Variants in TMEM116 observed in about 807,000 individuals in gnomAD.
The protein encoded by TMEM116 is transmembrane protein 116.
A neutral mutation model predicts 44.3 loss-of-function variants in TMEM116; 38 were observed. That is an observed-to-expected ratio of 0.86 (90% confidence interval 0.66 to 1.12). The LOEUF (loss-of-function observed/expected upper bound fraction) is 1.12. Among genes scored for constraint, TMEM116 ranks in the 50% most tolerant of loss-of-function variants. TMEM116 has a pLI of 0.00. For missense variants in TMEM116, 354 were observed against 401.7 expected (o/e 0.88, Z 1.01); for synonymous variants, 132 against 144.8 (o/e 0.91, Z 0.64).
chr12:111,955,706 G>A (rs545137256), intron 4 of TMEM116, among the ~76,000 whole-genome samples: 141 of 152,212 alleles, frequency 9.3e-4, no homozygotes, highest in African/African-American at 3.3e-3. Flanking sequence ...ACAACATTTC[G>A]GTCAACAGCA....
chr12:111,951,957 C>T (rs918704132), intron 4 of TMEM116, among the ~76,000 whole-genome samples: 20 of 151,796 alleles, frequency 1.3e-4, no homozygotes, highest in African/African-American at 4.8e-4. Flanking sequence ...TGGCCGGGTG[C>T]GGTGGCTCAT....
At chr12:111,937,320 T>C (rs2072246884) in intron 6 of TMEM116, 77 bp from the exon 7 acceptor site, 1 of 1,124,714 alleles carries the variant, frequency 8.9e-7, no homozygotes, top group Admixed American at 1.9e-5. Context: ...ATTCTCCTGC[T>C]CTTCCCTCAA....
At chr12:111,949,322 A>G (rs1170461335) in intron 4 of TMEM116, among the ~76,000 whole-genome samples, 2 of 152,206 alleles carry the variant, frequency 1.3e-5, no homozygotes, top group Non-Finnish European at 2.9e-5. Flanking sequence ...TGATTCCACA[A>G]GTTCAATAAA....
rs2077418398 is a variant in TMEM116, at chr12:112,003,826, A to G, written c.52T>C (p.Phe18Leu). ...GSSSLIAYAV[F>L]HNIQKSPEIR... The stretch of plus-strand genomic sequence containing the variant: ...TCTGGAGATTTCTGTATATTATGGA[A>G]TACAGCATAGGCAATAAGTGAACTT... Residue 18 changes from phenylalanine (F) to leucine (L), a missense_variant, in exon 3 of 11, where the codon TTC (phenylalanine) becomes CTC (leucine). Phe to Leu is a conservative substitution (Grantham distance 22, BLOSUM62 0). Coordinates refer to ENST00000552374, the MANE Select transcript of TMEM116 (RefSeq NM_001193531.2). The G allele has an allele frequency of 3.3e-6, 5 of 1,514,454 alleles. No individual in the cohort carries two copies. Among genetic ancestry groups the G allele is most frequent in the Middle Eastern group, 1.7e-4 (1 of 5,946 alleles). The allele number at this position is 1,514,454 out of a possible 1,614,324, so 93.8% of individuals were successfully genotyped here.
chr12:111,958,277 TAAAAAA>T (rs61637468), intron 4 of TMEM116, among the ~76,000 whole-genome samples: 3 of 27,494 alleles, frequency 1.1e-4, no homozygotes, highest in African/African-American at 2.7e-4. Flanking sequence ...CAATAAATAC[TAAAAAA>T]AAAAAAAAAA....
intron 4 of TMEM116, among the ~76,000 whole-genome samples, chr12:111,947,382 T>C (rs2073371449): frequency 6.6e-6 from 1 of 152,158 alleles, no homozygotes; most frequent in Non-Finnish European, 1.5e-5. Flanking sequence ...TCAGAACTTC[T>C]CAAAAGTTTA....
chr12:111,960,238 C>T (rs2074475237), intron 4 of TMEM116, among the ~76,000 whole-genome samples: 1 of 151,948 alleles, frequency 6.6e-6, no homozygotes, highest in South Asian at 2.1e-4. Flanking sequence ...GCCTGTAATC[C>T]CAACACTTTG....
At chr12:111,968,629 C>A (rs1401290834) in intron 4 of TMEM116, among the ~76,000 whole-genome samples, 3 of 152,100 alleles carry the variant, frequency 2.0e-5, no homozygotes, top group African/African-American at 7.2e-5. Context: ...AAGTAAAGGA[C>A]AATAAAATAG....
intron 4 of TMEM116, among the ~76,000 whole-genome samples, chr12:111,972,945 C>T (rs1403894697): frequency 2.0e-5 from 3 of 151,938 alleles, no homozygotes; most frequent in Non-Finnish European, 4.4e-5. Flanking sequence ...CGAGTTCATC[C>T]TGGCCAACAT....
intron 4 of TMEM116, among the ~76,000 whole-genome samples, chr12:111,945,538 A>G (rs1242048740): frequency 6.6e-6 from 1 of 152,068 alleles, no homozygotes; most frequent in East Asian, 1.9e-4. Context: ...GATATTGTTA[A>G]AAACCTCAAG....
At chr12:111,982,131 T>C (rs994564461) in intron 4 of TMEM116, among the ~76,000 whole-genome samples, 3 of 152,152 alleles carry the variant, frequency 2.0e-5, no homozygotes, top group African/African-American at 4.8e-5. Flanking sequence ...ACATGGTGAC[T>C]ACAGTTAATA....
At chr12:111,938,897 C>CCT in intron 5 of TMEM116, among the ~76,000 whole-genome samples, 1 of 132,118 alleles carries the variant, frequency 7.6e-6, no homozygotes, top group African/African-American at 3.0e-5. Flanking sequence ...AGATAGAAAA[C>CCT]ATATATTTGG....
intron 10 of TMEM116, among the ~76,000 whole-genome samples, 171 bp downstream of exon 10, chr12:111,932,415 G>A (rs967439679): frequency 2.0e-5 from 3 of 152,108 alleles, no homozygotes; most frequent in Admixed American, 2.0e-4. Context: ...TATCTACCTC[G>A]ACTTTGAGAA....
At position 111,960,378 on chromosome 12, in the gene TMEM116, G is replaced by C. The variant is rs1388068122; in HGVS notation, c.211-17009C>G. Among the ~76,000 whole-genome samples the C allele has an allele frequency of 4.0e-5, 6 of 150,574 alleles. No homozygotes were observed. The East Asian group carries it at 1.2e-3, about 30-fold the overall frequency. ...GTGGTGGCGGGCCCCTGTAGTACCAGCTACTTGGAAGGCTGAGGCAGGAGA... is the reference window on the plus strand; with the variant it reads ...GTGGTGGCGGGCCCCTGTAGTACCACCTACTTGGAAGGCTGAGGCAGGAGA... On this transcript the variant is annotated intron_variant, in intron 4 of 10. Transcript: ENST00000552374.
intron 4 of TMEM116, among the ~76,000 whole-genome samples, chr12:111,989,952 G>T (rs547155268): frequency 6.6e-6 from 1 of 152,128 alleles, no homozygotes; most frequent in Admixed American, 6.6e-5. Flanking sequence ...GCTCAATAAA[G>T]TTGTAAAAAA....
At chr12:111,934,341 A>C (rs1355553733) in intron 8 of TMEM116, 1 of 264,642 alleles carries the variant, frequency 3.8e-6, no homozygotes, top group Non-Finnish European at 7.2e-6. Flanking sequence ...CAGGAAGTTA[A>C]AAGTAAGCTC....
intron 4 of TMEM116, among the ~76,000 whole-genome samples, chr12:111,964,822 G>A (rs894198854): frequency 6.6e-6 from 1 of 151,942 alleles, no homozygotes; most frequent in Non-Finnish European, 1.5e-5. Context: ...TGAGTAGCTG[G>A]GACCACAGGT....
At chr12:111,982,390 T>C (rs2075990130) in intron 4 of TMEM116, among the ~76,000 whole-genome samples, 1 of 149,182 alleles carries the variant, frequency 6.7e-6, no homozygotes, top group African/African-American at 2.5e-5. Flanking sequence ...AACCTCTGCC[T>C]CCCAGGTTCA....
chr12:111,960,153 TCAGAC>T, intron 4 of TMEM116, among the ~76,000 whole-genome samples: 1 of 152,248 alleles, frequency 6.6e-6, no homozygotes, highest in East Asian at 1.9e-4. Flanking sequence ...AAATAGTCTC[TCAGAC>T]AACAGTGCAA....
Sources: gnomAD v4.1 joint callset for allele counts (sites outside exome capture counted in the v4.1 genomes callset) on GRCh38, gnomAD v4.1.1 for gene constraint, MANE v1.5 for transcripts, NCBI Gene and HGNC (gene_info 2026-07-23, HGNC 2026-07-21) for gene names.